The following ARMC2 variants were observed in gnomAD, a reference collection of about 807,000 sequenced individuals.
ARMC2 encodes the protein armadillo repeat-containing protein 2.
A neutral mutation model predicts 90.3 loss-of-function variants in ARMC2; 67 were observed. The ratio of observed to expected loss-of-function variants is 0.74; its 90% confidence interval spans 0.61 to 0.91. The LOEUF is 0.91. Among genes scored for constraint, ARMC2 ranks in the 40% least tolerant of loss-of-function variants. ARMC2 has a pLI of 0.00. For synonymous variants in ARMC2, 393 were observed against 393.0 expected, an observed-to-expected ratio of 1.00 and a Z score of 0.00; for missense variants, 920 against 1,030.9, an observed-to-expected ratio of 0.89 and a Z score of 1.47.
the ARMC2 span, chr6:108,992,936 G>A: frequency 7.4e-7 from 1 of 1,344,930 alleles, no homozygotes; most frequent in Non-Finnish European, 1.1e-6. Context: ...TTTAAAAATA[G>A]GATGCTAGTT....
At chr6:108,882,299 C>G (rs1450829928) in intron 5 of ARMC2, among the ~76,000 whole-genome samples, 2 of 151,810 alleles carry the variant, frequency 1.3e-5, no homozygotes, top group African/African-American at 4.8e-5. Context: ...ATTAGCTGGG[C>G]ATAGTGACAG....
intron 13 of ARMC2, among the ~76,000 whole-genome samples, chr6:108,954,739 C>A (rs1233452052): frequency 6.6e-6 from 1 of 152,218 alleles, no homozygotes; most frequent in Non-Finnish European, 1.5e-5. Context: ...ACTCCCTGGC[C>A]TCCCTCGCCC....
chr6:108,893,054 T>G (rs1277362883), intron 5 of ARMC2, among the ~76,000 whole-genome samples: 1 of 152,200 alleles, frequency 6.6e-6, no homozygotes, highest in African/African-American at 2.4e-5. Context: ...TTTTTTTACC[T>G]TGGAATTTTG....
chr6:108,982,967 G>C, the ARMC2 span, among the ~76,000 whole-genome samples: 1 of 151,722 alleles, frequency 6.6e-6, no homozygotes, highest in Admixed American at 6.6e-5. Context: ...GTGGGTTACC[G>C]GTGCACACCA....
chr6:108,892,091 C>G (rs1771132320), intron 5 of ARMC2, among the ~76,000 whole-genome samples: 1 of 152,126 alleles, frequency 6.6e-6, no homozygotes, highest in Non-Finnish European at 1.5e-5. Flanking sequence ...TTTGGAAGCC[C>G]ATTAGTTGAA....
At chr6:108,971,471 C>A (rs1445942040) in intron 17 of ARMC2, among the ~76,000 whole-genome samples, 1 of 152,192 alleles carries the variant, frequency 6.6e-6, no homozygotes, top group East Asian at 1.9e-4. Flanking sequence ...AAGGTACAAA[C>A]TGGGATTCCA....
intron 17 of ARMC2, among the ~76,000 whole-genome samples, chr6:108,966,254 G>A (rs1015440642): frequency 1.3e-5 from 2 of 151,602 alleles, no homozygotes; most frequent in African/African-American, 4.9e-5. Context: ...ACTAACCAGA[G>A]CAGAGGCTCC....
intron 3 of ARMC2, among the ~76,000 whole-genome samples, chr6:108,864,137 T>G (rs997489908): frequency 5.3e-5 from 8 of 152,280 alleles, no homozygotes; most frequent in African/African-American, 1.9e-4. Flanking sequence ...GTGAGTCACA[T>G]GCCAAGAGTG....
intron 10 of ARMC2, among the ~76,000 whole-genome samples, chr6:108,918,048 G>T (rs973553832): frequency 6.6e-6 from 1 of 152,120 alleles, no homozygotes; most frequent in Non-Finnish European, 1.5e-5. Context: ...GGAGATATGA[G>T]CTGAGGCTTG....
intron 11 of ARMC2, among the ~76,000 whole-genome samples, chr6:108,933,735 T>C (rs552510965): frequency 2.2e-4 from 34 of 152,222 alleles, no homozygotes; most frequent in Non-Finnish European, 3.2e-4. Flanking sequence ...GGCATCCTTG[T>C]CTTGTGCTGG....
intron 13 of ARMC2, among the ~76,000 whole-genome samples, chr6:108,955,562 C>T (rs547439773): frequency 4.0e-4 from 61 of 152,252 alleles, no homozygotes; most frequent in South Asian, 1.2e-3. Flanking sequence ...TGTGCTTCCC[C>T]GCACTCCACA....
chr6:108,921,456 T>C (rs950091844), intron 10 of ARMC2, among the ~76,000 whole-genome samples: 1 of 152,198 alleles, frequency 6.6e-6, no homozygotes. Context: ...GGATTATTAA[T>C]TAATATTACC....
chr6:108,873,431 C>T (rs72933309), intron 4 of ARMC2, among the ~76,000 whole-genome samples: 1,924 of 152,220 alleles, frequency 0.013, 38 homozygotes, highest in Non-Finnish European at 0.017. Flanking sequence ...GCCCTGCTCA[C>T]GCCTGTCCTG....
At chr6:108,922,696 A>G (rs1774705437) in intron 10 of ARMC2, among the ~76,000 whole-genome samples, 1 of 152,222 alleles carries the variant, frequency 6.6e-6, no homozygotes, top group Non-Finnish European at 1.5e-5. Flanking sequence ...TGAGGCTTAC[A>G]TAATTCAATG....
At chr6:109,050,938 C>G in the ARMC2 span, among the ~76,000 whole-genome samples, 1 of 152,090 alleles carries the variant, frequency 6.6e-6, no homozygotes, top group Non-Finnish European at 1.5e-5. Context: ...TCAGCCACCT[C>G]CATAGAAATA....
intron 12 of ARMC2, among the ~76,000 whole-genome samples, chr6:108,949,326 G>A (rs911789970): frequency 6.6e-6 from 1 of 152,172 alleles, no homozygotes. Context: ...TCAGGTTAAA[G>A]AAATGGAAGT....
At chr6:108,910,236 G>A (rs1487709134) in intron 8 of ARMC2, among the ~76,000 whole-genome samples, 1 of 152,142 alleles carries the variant, frequency 6.6e-6, no homozygotes, top group African/African-American at 2.4e-5. Flanking sequence ...GGCTGAGGTG[G>A]GAGGATTGTT....
Position 108,858,221 on chromosome 6 carries a change from T to A in ARMC2, c.241T>A (p.Ser81Thr). The change falls in exon 3 of 18, where the codon TCA (serine) becomes ACA (threonine). Residue 81 changes from serine (S) to threonine (T), a missense_variant. Physicochemically the swap from Ser to Thr is moderately conservative, Grantham distance 58 (BLOSUM62 1). Coordinates refer to ENST00000392644, the MANE Select transcript of ARMC2 (RefSeq NM_032131.6). ...TAGCCTCCATGCATCCAGTTTTGAGTCATCTGATTCCAGGCCTATCTCTGG... is the reference window on the plus strand; with the variant it reads ...TAGCCTCCATGCATCCAGTTTTGAGACATCTGATTCCAGGCCTATCTCTGG... ...SFSLHASSFE[S>T]SDSRPISGTR... 1 of 1,611,236 alleles carries A rather than the reference T, an allele frequency of 6.2e-7. No homozygotes were observed. Among genetic ancestry groups the A allele is most frequent in the Non-Finnish European group, 8.5e-7 (1 of 1,177,928 alleles).
chr6:108,925,456 G>A (rs919479153), intron 10 of ARMC2, among the ~76,000 whole-genome samples: 9 of 152,190 alleles, frequency 5.9e-5, no homozygotes, highest in Non-Finnish European at 1.0e-4. Context: ...TCACTGAAGC[G>A]TCTAGTCTGG....
Sources: allele counts gnomAD v4.1 joint callset (sites outside exome capture counted in the v4.1 genomes callset), GRCh38; gene constraint gnomAD v4.1.1; transcripts MANE v1.5; gene names NCBI Gene and HGNC (gene_info 2026-07-23, HGNC 2026-07-21).